Variants in BAIAP2L1 observed in about 807,000 individuals in gnomAD.
BAIAP2L1 encodes BAR/IMD domain-containing adapter protein 2-like 1.
A neutral mutation model predicts 66.3 loss-of-function variants in BAIAP2L1; 35 were observed. The observed-to-expected ratio is 0.53, with a 90% CI of 0.40 to 0.70. The LOEUF (loss-of-function observed/expected upper bound fraction) is 0.70. Ranked by LOEUF, BAIAP2L1 falls within the 30% of genes least tolerant of loss-of-function variation. BAIAP2L1 has a pLI of 0.00. For synonymous variants in BAIAP2L1, 269 were observed against 248.7 expected, an observed-to-expected ratio of 1.08 and a Z score of -0.77; for missense variants, 622 against 656.9, an observed-to-expected ratio of 0.95 and a Z score of 0.58.
At chr7:98,324,675 T>C (rs75757792) in intron 3 of BAIAP2L1, among the ~76,000 whole-genome samples, 3,693 of 151,806 alleles carry the variant, frequency 0.024, 149 homozygotes, top group African/African-American at 0.085. Context: ...CAGTGAGACC[T>C]CCACCATCTC....
chr7:98,397,713 G>GC (rs1291743865), intron 1 of BAIAP2L1, among the ~76,000 whole-genome samples: 1 of 152,098 alleles, frequency 6.6e-6, no homozygotes, highest in Non-Finnish European at 1.5e-5. Flanking sequence ...TACCATGAGA[G>GC]CATATACTCA....
intron 11 of BAIAP2L1, 48 bp from the exon 12 acceptor site, chr7:98,304,424 C>G: frequency 1.3e-6 from 2 of 1,585,328 alleles, no homozygotes; most frequent in Non-Finnish European, 1.7e-6. Context: ...GTCTCACCAC[C>G]AAACCCCAAA....
rs530934016 is a variant in BAIAP2L1, at chr7:98,378,797, A to G, written c.52-16365T>C. Among the ~76,000 whole-genome samples, 5 of 151,068 alleles carry G rather than the reference A, an allele frequency of 3.3e-5. No individual in the cohort carries two copies. In the South Asian group the frequency reaches 1.0e-3, roughly 32 times the overall value. On this transcript the variant is annotated intron_variant, in intron 1 of 13. Coordinates refer to ENST00000005260, the MANE Select transcript of BAIAP2L1 (RefSeq NM_018842.5). Reference sequence around the variant, plus strand: ...ACTATAGGCACACGCCACCATGTCCATGGCTCAGCACTTTGGGAGGCCAAG... The same window carrying G: ...ACTATAGGCACACGCCACCATGTCCGTGGCTCAGCACTTTGGGAGGCCAAG...
At chr7:98,358,383 C>T (rs1025693814) in intron 2 of BAIAP2L1, among the ~76,000 whole-genome samples, 2 of 150,898 alleles carry the variant, frequency 1.3e-5, no homozygotes, top group South Asian at 2.1e-4. Flanking sequence ...TAAGAGTCAG[C>T]GTCTCACTCT....
intron 6 of BAIAP2L1, among the ~76,000 whole-genome samples, chr7:98,315,852 A>G (rs1801061261): frequency 6.6e-6 from 1 of 152,142 alleles, no homozygotes; most frequent in African/African-American, 2.4e-5. Flanking sequence ...CCACGGGGCA[A>G]TTTGCACAAA....
In BAIAP2L1 at chr7:98,346,575, A is replaced by T. The variant is rs117833460; in HGVS notation, c.214+8467T>A. On this transcript the variant is annotated intron_variant, in intron 3 of 13. Transcript: ENST00000005260. ...AGAATATCCAAGGTACTCTCAAATA[A>T]ACACAAAGCTAGAGGACTTATGCGA... 3.3e-3 allele frequency among the ~76,000 whole-genome samples: 510 copies of T among 152,324 alleles called. 19 individuals are homozygous for T. The East Asian group carries it at 0.068, about 20-fold the overall frequency.
At chr7:98,342,041 ATTTTTTT>A (rs142061599) in intron 3 of BAIAP2L1, among the ~76,000 whole-genome samples, 114 of 95,080 alleles carry the variant, frequency 1.2e-3, no homozygotes, top group Middle Eastern at 6.4e-3. Context: ...TTTTTTTCTG[ATTTTTTT>A]TTTTTTTTTT....
chr7:98,312,151 A>G lies in BAIAP2L1; in HGVS notation c.753T>C (p.Ser251=). The G allele has an allele frequency of 2.5e-6, 4 of 1,614,042 alleles. No homozygotes were observed. In the South Asian group the frequency reaches 3.3e-5, roughly 13 times the overall value. ...NMIEEIKTPA[S]TPVSGTPQAS... ...CCTGAGGAGTTCCAGACACGGGGGT[A>G]GAGGCTGGGGTCTTTATTTCTTCGA... Residue 251 remains serine (S), a synonymous_variant, in exon 8 of 14, where the codon TCT becomes TCC. Coordinates refer to ENST00000005260, the MANE Select transcript of BAIAP2L1 (RefSeq NM_018842.5).
At chr7:98,326,962 C>T (rs1189734923) in intron 3 of BAIAP2L1, among the ~76,000 whole-genome samples, 1 of 152,066 alleles carries the variant, frequency 6.6e-6, no homozygotes, top group Admixed American at 6.5e-5. Flanking sequence ...GGAAGATGAA[C>T]ACTGTGTGCT....
chr7:98,384,089 G>A (rs1288369121), intron 1 of BAIAP2L1, among the ~76,000 whole-genome samples: 1 of 150,448 alleles, frequency 6.6e-6, no homozygotes, highest in African/African-American at 2.4e-5. Flanking sequence ...GGGAGGCGGA[G>A]ATTGCAGTGA....
chr7:98,319,038 C>T (rs1801164360), intron 5 of BAIAP2L1, among the ~76,000 whole-genome samples: 1 of 151,956 alleles, frequency 6.6e-6, no homozygotes, highest in African/African-American at 2.4e-5. Flanking sequence ...GCATGAAATG[C>T]ACCTTAGCAG....
intron 1 of BAIAP2L1, among the ~76,000 whole-genome samples, chr7:98,387,590 T>A (rs2115829202): frequency 6.6e-6 from 1 of 152,220 alleles, no homozygotes; most frequent in South Asian, 2.1e-4. Flanking sequence ...CTGGATGCAG[T>A]GGCTCATGCC....
intron 11 of BAIAP2L1, among the ~76,000 whole-genome samples, chr7:98,305,183 G>A (rs775166306): frequency 6.6e-5 from 10 of 150,474 alleles, no homozygotes; most frequent in Non-Finnish European, 1.3e-4. Flanking sequence ...GAGCCCCTGC[G>A]CCTGGCCAAA....
At chr7:98,381,988 A>G (rs929857474) in intron 1 of BAIAP2L1, among the ~76,000 whole-genome samples, 1 of 146,580 alleles carries the variant, frequency 6.8e-6, no homozygotes, top group South Asian at 2.2e-4. Context: ...TGCAGTGGCG[A>G]TATCTCGGCT....
chr7:98,386,686 T>A, intron 1 of BAIAP2L1: 2 of 475,320 alleles, frequency 4.2e-6, no homozygotes, highest in Non-Finnish European at 7.4e-6. Context: ...TATTCAACTT[T>A]CCAAAGGTTT....
At chr7:98,375,863 CCCAT>C (rs922246961) in intron 1 of BAIAP2L1, among the ~76,000 whole-genome samples, 22 of 152,124 alleles carry the variant, frequency 1.4e-4, no homozygotes, top group Non-Finnish European at 3.2e-4. Context: ...CCTTAGTCAC[CCCAT>C]CCAAGTCTCA....
chr7:98,342,532 TTC>T (rs1801768747), intron 3 of BAIAP2L1, among the ~76,000 whole-genome samples: 1 of 152,192 alleles, frequency 6.6e-6, no homozygotes, highest in Non-Finnish European at 1.5e-5. Flanking sequence ...AGATAAAATA[TTC>T]TGTTTTGTGC....
intron 2 of BAIAP2L1, among the ~76,000 whole-genome samples, chr7:98,357,337 G>A (rs914630360): frequency 6.6e-6 from 1 of 150,896 alleles, no homozygotes; most frequent in Non-Finnish European, 1.5e-5. Context: ...GGGAGGCTGA[G>A]GCAGGAGGAT....
At chr7:98,343,518 G>A (rs999927930) in intron 3 of BAIAP2L1, among the ~76,000 whole-genome samples, 1 of 152,260 alleles carries the variant, frequency 6.6e-6, no homozygotes, top group East Asian at 1.9e-4. Context: ...CCTGACTACT[G>A]ATCTCTGGAT....
Sources: allele counts gnomAD v4.1 joint callset (sites outside exome capture counted in the v4.1 genomes callset), GRCh38; gene constraint gnomAD v4.1.1; transcripts MANE v1.5; gene names NCBI Gene and HGNC (gene_info 2026-07-23, HGNC 2026-07-21).